The following KIAA0319L variants were observed in gnomAD, a reference collection of about 807,000 sequenced individuals.
KIAA0319L encodes KIAA0319 like.
Under a neutral mutation model 120.1 loss-of-function variants are expected in KIAA0319L, and 55 were observed. The observed-to-expected ratio is 0.46, with a 90% CI of 0.37 to 0.57. The LOEUF (loss-of-function observed/expected upper bound fraction) is 0.57, where lower values mean the gene tolerates loss of function less well. KIAA0319L is among the 20% of genes least tolerant of loss of function. KIAA0319L has a pLI of 0.00. For missense variants in KIAA0319L, 1,049 were observed against 1,255.3 expected (o/e 0.84, Z 2.48); for synonymous variants, 398 against 471.9 (o/e 0.84, Z 2.03).
At chr1:35,459,480 C>T (rs1274291369) in intron 9 of KIAA0319L, among the ~76,000 whole-genome samples, 1 of 151,870 alleles carries the variant, frequency 6.6e-6, no homozygotes, top group Admixed American at 6.6e-5. Context: ...GCCTGTAGTC[C>T]CAGCTACTCG....
chr1:35,555,042 T>C (rs916017850), intron 1 of KIAA0319L: 1 of 152,176 alleles, frequency 6.6e-6, no homozygotes, highest in African/African-American at 2.4e-5. Flanking sequence ...CCCACCACTA[T>C]TATCATGAAA....
At chr1:35,489,626 G>T (rs1032695926) in intron 3 of KIAA0319L, among the ~76,000 whole-genome samples, 1 of 151,716 alleles carries the variant, frequency 6.6e-6, no homozygotes, top group Admixed American at 6.6e-5. Flanking sequence ...AACTACAGAG[G>T]GTCAGGGAAA....
At chr1:35,439,725 G>A (rs754643104) in intron 20 of KIAA0319L, 1 of 152,296 alleles carries the variant, frequency 6.6e-6, no homozygotes, top group Non-Finnish European at 1.5e-5. Context: ...GAGCTCAGGA[G>A]CTGGAGGTTG....
chr1:35,504,585 G>A (rs139411731), intron 3 of KIAA0319L, among the ~76,000 whole-genome samples: 2 of 152,232 alleles, frequency 1.3e-5, no homozygotes, highest in East Asian at 1.9e-4. Context: ...TTATCTTATT[G>A]GTAAGGCTTC....
intron 3 of KIAA0319L, among the ~76,000 whole-genome samples, chr1:35,480,132 G>C (rs920901415): frequency 6.6e-6 from 1 of 152,082 alleles, no homozygotes; most frequent in African/African-American, 2.4e-5. Context: ...ACAAAAGGCA[G>C]AGGGCAGAGA....
intron 2 of KIAA0319L, 108 bp from the exon 3 acceptor site, chr1:35,507,243 T>A: frequency 8.8e-7 from 1 of 1,136,776 alleles, no homozygotes; most frequent in Non-Finnish European, 1.2e-6. Context: ...GACGAGTTTT[T>A]AAGAGGGTGA....
At chr1:35,452,002 G>C (rs546486175) in intron 12 of KIAA0319L, among the ~76,000 whole-genome samples, 1 of 152,316 alleles carries the variant, frequency 6.6e-6, no homozygotes, top group South Asian at 2.1e-4. Context: ...AACACCTCTA[G>C]CCTTATCCTT....
chr1:35,439,412 G>A (rs948273127), intron 20 of KIAA0319L: 6 of 152,308 alleles, frequency 3.9e-5, no homozygotes, highest in African/African-American at 1.4e-4. Context: ...AAGTCTGTCC[G>A]TTTGATTCAC....
At chr1:35,533,242 A>G (rs1006779521) in intron 2 of KIAA0319L, 1 of 152,218 alleles carries the variant, frequency 6.6e-6, no homozygotes, top group Non-Finnish European at 1.5e-5. Flanking sequence ...CCAAGTAGGG[A>G]GCAGAGACAG....
At position 35,448,157 on chromosome 1, in the gene KIAA0319L, T is replaced by C; in HGVS notation, c.2513+16A>G. ...CCTGGTCTTTCCTTTGCTCCCCCCA[T>C]TCATTGCCCAGCTACCTCTGCTCCG... is the stretch of plus-strand genomic sequence containing the variant. On this transcript the variant is annotated intron_variant, in intron 16 of 20. Transcript: ENST00000325722. 2 of 1,570,002 alleles carry C rather than the reference T, an allele frequency of 1.3e-6. No homozygotes were observed. The highest frequency in any genetic ancestry group is 1.7e-6 in the Non-Finnish European group (2 of 1,155,514).
intron 2 of KIAA0319L, among the ~76,000 whole-genome samples, chr1:35,547,381 A>C (rs1474706635): frequency 6.6e-6 from 1 of 151,356 alleles, no homozygotes; most frequent in Non-Finnish European, 1.5e-5. Flanking sequence ...ACATGTATTT[A>C]TATATACAGA....
In KIAA0319L at chr1:35,477,874, C is replaced by T. The variant is rs137983592; in HGVS notation, c.913+1092G>A. On this transcript the variant is annotated intron_variant, in intron 4 of 20. Coordinates refer to ENST00000325722, the MANE Select transcript of KIAA0319L (RefSeq NM_024874.5). ...CTCAAAAAAATAAAAATAGAGTTAC[C>T]ATGTGACTCAATAATCCCACTGCTG... Among the ~76,000 whole-genome samples the T allele has an allele frequency of 2.4e-3, 368 of 152,120 alleles. 2 individuals are homozygous for T. Among genetic ancestry groups the T allele is most frequent in the African/African-American group, 7.9e-3 (327 of 41,522 alleles).
Position 35,551,650 on chromosome 1 carries a change from T to A in KIAA0319L, c.142+2700A>T, listed in dbSNP as rs575311099. On this transcript the variant is annotated intron_variant, in intron 2 of 20. Transcript: ENST00000325722. Reference sequence around the variant, plus strand: ...ATTTTTTCTATTAGGATATTCCTTTTAAAAAAAAAATGGGAAGGAGCTCCA... The same window carrying A: ...ATTTTTTCTATTAGGATATTCCTTTAAAAAAAAAAATGGGAAGGAGCTCCA... Among the ~76,000 whole-genome samples, 218 of 150,136 alleles carry A rather than the reference T, an allele frequency of 1.5e-3. 3 individuals carry two copies. The highest frequency in any genetic ancestry group is 4.6e-3 in the African/African-American group (189 of 41,032).
At chr1:35,456,915 T>TGAAGGAAGGAAGGAATGAAGGAAG (rs1642506092) in intron 9 of KIAA0319L, among the ~76,000 whole-genome samples, 2 of 110,072 alleles carry the variant, frequency 1.8e-5, no homozygotes, top group African/African-American at 6.8e-5. Flanking sequence ...AAGGAAGGAA[T>TGAAGGAAGGAAGGAATGAAGGAAG]GAAGGAAGGA....
intron 13 of KIAA0319L, among the ~76,000 whole-genome samples, chr1:35,451,427 G>C (rs1384044171): frequency 1.3e-5 from 2 of 152,190 alleles, no homozygotes; most frequent in Non-Finnish European, 2.9e-5. Flanking sequence ...ATGTAAGCAG[G>C]AGGAGGGAGG....
At chr1:35,556,924 GGAA>G (rs1478152887) in intron 1 of KIAA0319L, 1 of 152,342 alleles carries the variant, frequency 6.6e-6, no homozygotes, top group African/African-American at 2.4e-5. Context: ...GGTCGAAGGT[GGAA>G]GAAGGACGGC....
intron 2 of KIAA0319L, among the ~76,000 whole-genome samples, chr1:35,530,763 T>C (rs1196359931): frequency 6.6e-6 from 1 of 152,094 alleles, no homozygotes; most frequent in Non-Finnish European, 1.5e-5. Flanking sequence ...GTATCTACAG[T>C]GTTGGTTGGG....
At chr1:35,517,359 A>C (rs1645728101) in intron 2 of KIAA0319L, among the ~76,000 whole-genome samples, 1 of 152,164 alleles carries the variant, frequency 6.6e-6, no homozygotes, top group African/African-American at 2.4e-5. Context: ...TGGTACAAAA[A>C]TTGGCACATA....
intron 3 of KIAA0319L, among the ~76,000 whole-genome samples, chr1:35,487,415 G>A (rs1024049859): frequency 4.6e-5 from 7 of 151,976 alleles, no homozygotes; most frequent in East Asian, 1.9e-4. Context: ...CCACCACACC[G>A]AGCTAATTTT....
Sources: allele counts gnomAD v4.1 joint callset (sites outside exome capture counted in the v4.1 genomes callset), GRCh38; gene constraint gnomAD v4.1.1; transcripts MANE v1.5; gene names NCBI Gene and HGNC (gene_info 2026-07-23, HGNC 2026-07-21).